The following TEX36 variants were observed in gnomAD, a reference collection of about 807,000 sequenced individuals.
TEX36 encodes the protein testis expressed 36.
TEX36 carries 12 observed loss-of-function variants against 13.6 expected under a neutral mutation model. That is an observed-to-expected ratio of 0.88 (90% CI 0.56 to 1.43). The LOEUF (loss-of-function observed/expected upper bound fraction) is 1.43. Among genes scored for constraint, TEX36 ranks in the 40% most tolerant of loss-of-function variants. The pLI is 0.00. For synonymous variants in TEX36, 93 were observed against 83.0 expected (o/e 1.12, Z -0.65); for missense variants, 224 against 228.3 (o/e 0.98, Z 0.12).
At chr10:125,661,285 C>T (rs543376326) in intron 2 of TEX36, among the ~76,000 whole-genome samples, 184 bp from the exon 3 acceptor site, 1 of 152,162 alleles carries the variant, frequency 6.6e-6, no homozygotes, top group South Asian at 2.1e-4. Flanking sequence ...TCATCAGCGC[C>T]GGGCTTTGAA....
chr10:125,640,297 G>C, intron 3 of TEX36: 1 of 737,406 alleles, frequency 1.4e-6, no homozygotes. Flanking sequence ...GGAACTTACA[G>C]ATCTGTTTAA....
intron 3 of TEX36, among the ~76,000 whole-genome samples, chr10:125,624,569 G>A (rs1174905900): frequency 6.6e-6 from 1 of 151,772 alleles, no homozygotes; most frequent in African/African-American, 2.4e-5. Flanking sequence ...AGCCCCAGAG[G>A]TCTCCATACA....
In TEX36 at chr10:125,598,058, G is replaced by T. The variant is rs182621634; in HGVS notation, c.265-21184C>A. ...ATTTGTCCTTTATCTCCATGCCAGG[G>T]TTAAGGAGGGTGGGAGTGGCAGGCC... On this transcript the variant is annotated intron_variant, in intron 3 of 3. Transcript: ENST00000532135. Among the ~76,000 whole-genome samples, 1,114 of 152,254 alleles carry T rather than the reference G, an allele frequency of 7.3e-3. 5 individuals are homozygous for T. Among genetic ancestry groups the T allele is most frequent in the Admixed American group, 0.022 (333 of 15,292 alleles).
intron 3 of TEX36, among the ~76,000 whole-genome samples, chr10:125,637,156 A>C (rs1489425808): frequency 2.0e-5 from 3 of 151,996 alleles, no homozygotes; most frequent in African/African-American, 7.3e-5. Context: ...TTAAAAAATA[A>C]AAATTAGTCT....
Position 125,583,262 on chromosome 10 carries a change from C to T in TEX36, c.265-6388G>A, listed in dbSNP as rs561817073. Among the ~76,000 whole-genome samples the T allele has an allele frequency of 1.1e-3, 169 of 151,946 alleles. 1 individual carries two copies. Among genetic ancestry groups the T allele is most frequent in the South Asian group, 1.9e-3 (9 of 4,802 alleles). On this transcript the variant is annotated intron_variant, in intron 3 of 3. Transcript: ENST00000532135. Reference sequence around the variant, plus strand: ...CATTTGTGCTGCCATAACAAAATCCCCGAGACTGGGTAACTTAAAAGCAAC... The same window carrying T: ...CATTTGTGCTGCCATAACAAAATCCTCGAGACTGGGTAACTTAAAAGCAAC...
At chr10:125,608,326 T>C (rs779712535) in intron 3 of TEX36, among the ~76,000 whole-genome samples, 3 of 152,160 alleles carry the variant, frequency 2.0e-5, no homozygotes, top group Admixed American at 6.5e-5. Flanking sequence ...GGAAAACTCA[T>C]TGAACTACTG....
At chr10:125,650,289 C>A (rs1241167815) in intron 3 of TEX36, among the ~76,000 whole-genome samples, 3 of 152,186 alleles carry the variant, frequency 2.0e-5, no homozygotes, top group African/African-American at 7.2e-5. Context: ...GAAATTATAA[C>A]AAACTGTCTC....
intron 3 of TEX36, among the ~76,000 whole-genome samples, chr10:125,643,053 T>C (rs1846713394): frequency 6.6e-6 from 1 of 152,140 alleles, no homozygotes; most frequent in Admixed American, 6.5e-5. Context: ...CCAGGGCATT[T>C]GACGAGGTTA....
chr10:125,626,857 A>G (rs868127575), intron 3 of TEX36, among the ~76,000 whole-genome samples: 1 of 152,184 alleles, frequency 6.6e-6, no homozygotes, highest in Admixed American at 6.5e-5. Context: ...GGATGGCAGG[A>G]AGTCAGAGAC....
chr10:125,636,477 G>A (rs935489128), intron 3 of TEX36, among the ~76,000 whole-genome samples: 22 of 152,140 alleles, frequency 1.4e-4, no homozygotes, highest in African/African-American at 4.6e-4. Flanking sequence ...GCCTCCCAAA[G>A]TGCTAGGATT....
intron 1 of TEX36, chr10:125,667,188 GAC>G (rs1847137566): frequency 1.5e-6 from 1 of 653,294 alleles, no homozygotes; most frequent in Non-Finnish European, 2.9e-6. Flanking sequence ...GCAGCGTTGT[GAC>G]AGTCACCATG....
chr10:125,577,995 G>A (rs1000019328), intron 3 of TEX36, among the ~76,000 whole-genome samples: 1 of 152,178 alleles, frequency 6.6e-6, no homozygotes, highest in African/African-American at 2.4e-5. Context: ...CCTTGAAATG[G>A]CTATATTTAT....
intron 1 of TEX36, chr10:125,667,705 C>A: frequency 1.3e-6 from 1 of 745,504 alleles, no homozygotes; most frequent in South Asian, 1.5e-5. Context: ...GGTAGAGTGT[C>A]TGGTGGAAGA....
intron 3 of TEX36, among the ~76,000 whole-genome samples, chr10:125,584,051 T>C (rs1845915210): frequency 6.6e-6 from 1 of 152,176 alleles, no homozygotes; most frequent in African/African-American, 2.4e-5. Flanking sequence ...TCCACTCCTG[T>C]CCTCTTCGAG....
chr10:125,665,098 G>A (rs969313214), intron 1 of TEX36, among the ~76,000 whole-genome samples: 4 of 151,624 alleles, frequency 2.6e-5, no homozygotes, highest in African/African-American at 7.3e-5. Context: ...TGTTGTTGTT[G>A]TTTTACAGTT....
intron 3 of TEX36, among the ~76,000 whole-genome samples, chr10:125,633,119 G>C (rs1445713491): frequency 1.3e-5 from 2 of 150,964 alleles, no homozygotes; most frequent in African/African-American, 4.9e-5. Context: ...ATGAGACCCT[G>C]TCTCAAAAAA....
chr10:125,661,215 G>GACAATGAA, intron 2 of TEX36, 114 bp from the exon 3 acceptor site: 1 of 815,080 alleles, frequency 1.2e-6, no homozygotes, highest in Admixed American at 2.0e-5. Context: ...CTCTAAGAAA[G>GACAATGAA]ACAATGAAAC....
intron 1 of TEX36, among the ~76,000 whole-genome samples, chr10:125,679,769 T>C (rs1847367090): frequency 6.6e-6 from 1 of 152,356 alleles, no homozygotes; most frequent in African/African-American, 2.4e-5. Context: ...TGACTGCCTG[T>C]ACACTATTTT....
rs1308020183 is a variant in TEX36, at chr10:125,655,776, C to T, written c.*124G>A. ...TCACAAGGATTTGAATGTTTTTTGA[C>T]CTTATAAAAATCATAAAAGTACTTT... On this transcript the variant is annotated 3_prime_UTR_variant, in exon 4 of 4. Transcript: ENST00000368821. The T allele has an allele frequency of 1.5e-6, 2 of 1,339,590 alleles. No homozygotes were observed. Among genetic ancestry groups the T allele is most frequent in the Non-Finnish European group, 1.9e-6 (2 of 1,045,238 alleles). 83.0% of individuals were successfully genotyped at this position (1,339,590 alleles called of 1,614,324 possible). A position where few individuals can be genotyped will look rare whatever the true frequency, so the allele number is the denominator to read the frequency against.
Sources: allele counts gnomAD v4.1 joint callset (sites outside exome capture counted in the v4.1 genomes callset), GRCh38; gene constraint gnomAD v4.1.1; transcripts MANE v1.5; gene names NCBI Gene and HGNC (gene_info 2026-07-23, HGNC 2026-07-21).